The following BICDL2 variants were observed in gnomAD, a reference collection of about 807,000 sequenced individuals.
BICDL2 encodes BICD family-like cargo adapter 2.
Under a neutral mutation model 56.6 loss-of-function variants are expected in BICDL2, and 62 were observed. The observed-to-expected ratio is 1.10, with a 90% CI of 0.89 to 1.35. BICDL2 has a LOEUF of 1.35. Among genes scored for constraint, BICDL2 ranks in the 40% most tolerant of loss-of-function variants. The pLI is 0.00. For missense variants in BICDL2, 808 were observed against 684.5 expected (o/e 1.18, Z -2.01); for synonymous variants, 358 against 319.8 (o/e 1.12, Z -1.27).
intron 7 of BICDL2, 71 bp from the exon 8 acceptor site, chr16:3,028,901 A>T: frequency 6.8e-7 from 1 of 1,481,412 alleles, no homozygotes; most frequent in Non-Finnish European, 9.0e-7. Flanking sequence ...AGCAGCCCCG[A>T]CTCTGGCTCT....
At chr16:3,028,859 C>T in intron 7 of BICDL2, 29 bp from the exon 8 acceptor site, 1 of 1,526,182 alleles carries the variant, frequency 6.6e-7, no homozygotes, top group Admixed American at 2.0e-5. Context: ...GGCCGTGCGG[C>T]AGATGGGCCA....
intron 2 of BICDL2, 39 bp downstream of exon 2, chr16:3,035,176 T>TTGGCCGGGGGGGGGGG: frequency 2.9e-5 from 4 of 136,274 alleles, no homozygotes; most frequent in South Asian, 2.0e-4. Context: ...CGTCCTCCCC[T>TTGGCCGGGGGGGGGGG]GCCCACCCAC....
At position 3,034,658 on chromosome 16, in the gene BICDL2, C is replaced by CTCCTTCCTTCCTTCCTTCCTTCCTTCCT. The variant is rs113820545; in HGVS notation, c.282+529_282+556dup. On this transcript the variant is annotated intron_variant, in intron 2 of 9. Transcript: ENST00000572449. The stretch of plus-strand genomic sequence containing the variant: ...TTTCCTTTTTTTCTTTTCTTTCTCT[C>CTCCTTCCTTCCTTCCTTCCTTCCTTCCT]TCCTTCCTTCCTTCCTTCCTTCCTT... 2.0e-3 allele frequency among the ~76,000 whole-genome samples: 255 copies of CTCCTTCCTTCCTTCCTTCCTTCCTTCCT among 128,872 alleles called. 2 individuals carry two copies. The highest frequency in any genetic ancestry group is 7.5e-3 in the African/African-American group (242 of 32,216). The allele number at this position is 128,872 out of a possible 152,430, so 84.5% of individuals were successfully genotyped here.
At chr16:3,034,988 G>C (rs893994163) in intron 2 of BICDL2, 161 of 560,614 alleles carry the variant, frequency 2.9e-4, no homozygotes, top group Non-Finnish European at 4.3e-4. Context: ...GGGATTACAG[G>C]TGTGAGGTAC....
rs1281170306 is a variant in BICDL2, at chr16:3,030,741, C to T, written c.570G>A (p.Leu190=). 4 of 1,612,716 alleles carry T rather than the reference C, an allele frequency of 2.5e-6. No homozygotes were observed. Among genetic ancestry groups the T allele is most frequent in the Non-Finnish European group, 3.4e-6 (4 of 1,179,838 alleles). The change falls in exon 4 of 10, where the codon CTG becomes CTA. Residue 190 remains leucine, a synonymous_variant. Transcript: ENST00000572449. ...GCCGCGTCCTCAGCTCTGCTCCAGC[C>T]AGTGCCTGAGCCTGGCACTGTCCCC... ...ALRGQCQAQA[L]AGAELRTRLE...
In BICDL2 at chr16:3,029,726, CGT is replaced by C. The variant is rs1567420942; in HGVS notation, c.774_775del (p.Arg259ValfsTer110). On this transcript the variant is annotated frameshift_variant, in exon 6 of 10. Coordinates refer to ENST00000572449, the MANE Select transcript of BICDL2 (RefSeq NM_001369667.1). LOFTEE classifies it high-confidence loss of function. ...ACTCAGCGCCTCCCCAGCCTCTGACCGTGCGCGTTCCAGCTGTGGACGGTCCC... is the reference window on the plus strand; with the variant it reads ...ACTCAGCGCCTCCCCAGCCTCTGACCGCGCGTTCCAGCTGTGGACGGTCCC... 2.6e-6 allele frequency: 4 copies of C among 1,530,952 alleles called. No homozygotes were observed. The Admixed American group carries it at 8.2e-5, about 31-fold the overall frequency. The allele number at this position is 1,530,952 out of a possible 1,614,324, so 94.8% of individuals were successfully genotyped here. A position where few individuals can be genotyped will look rare whatever the true frequency, so the allele number is the denominator to read the frequency against.
chr16:3,029,506 G>A lies in BICDL2; in HGVS notation c.957+39C>T, dbSNP rs550592901. The A allele has an allele frequency of 5.7e-6, 9 of 1,566,400 alleles. No homozygotes were observed. In the African/African-American group the frequency reaches 9.4e-5, roughly 16 times the overall value. On this transcript the variant is annotated intron_variant, in intron 6 of 9. Transcript: ENST00000572449. ...GAAAGGCGGAGCCTGCAACCCTCTC[G>A]ATGGCACAGGTAAGGGGGCTGGGGC... is the stretch of plus-strand genomic sequence containing the variant.
chr16:3,035,136 C>G (rs951354059), intron 2 of BICDL2, 79 bp downstream of exon 2: 34 of 1,267,254 alleles, frequency 2.7e-5, no homozygotes, highest in Non-Finnish European at 2.7e-5. Context: ...CCTTGCCTGA[C>G]TCCCTTCCCT....
Position 3,028,771 on chromosome 16 carries a change from C to G in BICDL2, c.1167G>C (p.Glu389Asp). 6.4e-7 allele frequency: 1 copy of G among 1,558,770 alleles called. No homozygotes were observed. ...CCCCAGGGTCTTCCTGCGCCCGCAG[C>G]TCCTTCTGCCTCTGCAGCTCTTCCC... ...SLREELQRQK[E>D]LRAQEDPGEA... The change falls in exon 8 of 10, where the codon GAG becomes GAC. Residue 389 changes from glutamate (E) to aspartate (D), a missense_variant. Physicochemically the swap from Glu to Asp is conservative, Grantham distance 45. Transcript: ENST00000572449.
intron 1 of BICDL2, chr16:3,036,072 C>T (rs902975423): frequency 3.7e-5 from 13 of 348,916 alleles, no homozygotes; most frequent in African/African-American, 2.4e-4. Flanking sequence ...CCTGCTACCT[C>T]CTGAGCAGGT....
In BICDL2 at chr16:3,028,806, G is replaced by A. The variant is rs1320515508; in HGVS notation, c.1132C>T (p.Gln378Ter). 3.2e-6 allele frequency: 5 copies of A among 1,553,972 alleles called. No homozygotes were observed. The highest frequency in any genetic ancestry group is 3.9e-5 in the Admixed American group (2 of 51,844). Residue 378 changes from glutamine to a stop codon, truncating the protein, a stop_gained, in exon 8 of 10, where the codon CAG becomes TAG. Coordinates refer to ENST00000572449, the MANE Select transcript of BICDL2 (RefSeq NM_001369667.1). LOFTEE classifies it high-confidence loss of function. ...CTCTGCAGCTCTTCCCGCAGGGACT[G>A]CAGCTCTGCCTGCTGCAGCGAGATC... ...DEISLQQAEL[Q>*]SLREELQRQK...
Position 3,028,785 on chromosome 16 carries a change from G to A in BICDL2, c.1153C>T (p.Gln385Ter). 6.4e-7 allele frequency: 1 copy of A among 1,557,652 alleles called. No homozygotes were observed. ...AELQSLREEL[Q>*]RQKELRAQED... ...TGCGCCCGCAGCTCCTTCTGCCTCT[G>A]CAGCTCTTCCCGCAGGGACTGCAGC... is the stretch of plus-strand genomic sequence containing the variant. The change falls in exon 8 of 10, where the codon CAG (glutamine) becomes TAG (stop). Residue 385 changes from glutamine to a stop codon, truncating the protein, a stop_gained. Transcript: ENST00000572449. LOFTEE classifies it high-confidence loss of function.
chr16:3,028,280 GA>G lies in BICDL2; in HGVS notation c.1360-8del. Reference sequence around the variant, plus strand: ...TCACCACCTGCATGTCGTCCTGCGGGAGGCCGTGGTCGGCTCAGCGCCGGTC... The same window carrying G: ...TCACCACCTGCATGTCGTCCTGCGGGGGCCGTGGTCGGCTCAGCGCCGGTC... On this transcript the variant is annotated splice_polypyrimidine_tract_variant and splice_region_variant and intron_variant, in intron 9 of 9. Transcript: ENST00000572449. 6.7e-7 allele frequency: 1 copy of G among 1,492,872 alleles called. No individual in the cohort carries two copies. The highest frequency in any genetic ancestry group is 2.5e-5 in the East Asian group (1 of 39,892). 92.5% of individuals were successfully genotyped at this position (1,492,872 alleles called of 1,614,324 possible).
At chr16:3,030,647 G>T (rs1463238605) in intron 4 of BICDL2, 49 bp downstream of exon 4, 2 of 1,593,772 alleles carry the variant, frequency 1.3e-6, no homozygotes, top group Non-Finnish European at 8.5e-7. Flanking sequence ...CCAGCCCTCA[G>T]CCCGGCTTTT....
At chr16:3,035,799 G>A in intron 1 of BICDL2, 1 of 446,436 alleles carries the variant, frequency 2.2e-6, no homozygotes, top group Non-Finnish European at 4.1e-6. Flanking sequence ...GTGCTCCAGG[G>A]CCACAGGCCA....
At chr16:3,028,575 G>C in intron 8 of BICDL2, 107 bp from the exon 9 acceptor site, 2 of 1,527,548 alleles carry the variant, frequency 1.3e-6, no homozygotes, top group Non-Finnish European at 1.7e-6. Flanking sequence ...CAAACACCTA[G>C]ATCAAGGAGG....
chr16:3,028,414 CAG>C lies in BICDL2; in HGVS notation c.1291_1292del (p.Leu431ValfsTer72), dbSNP rs1491558830. ...GGATGGCGCGCAGCAGCTCCCGAGA[CAG>C]GGAGTCTCGCTCCAGCGAGACGCGG... ...LNRVSLERDSLSRELLRAIRQ... is the reference protein window; with the variant it reads ...LNRVSLERDSXSRELLRAIRQ... On this transcript the variant is annotated frameshift_variant, in exon 9 of 10. Transcript: ENST00000572449. LOFTEE classifies it high-confidence loss of function. 7.7e-6 allele frequency: 12 copies of C among 1,557,876 alleles called. No individual in the cohort carries two copies. Among genetic ancestry groups the C allele is most frequent in the East Asian group, 7.0e-5 (3 of 42,654 alleles).
chr16:3,030,097 C>T (rs779106660), intron 5 of BICDL2: 11 of 456,386 alleles, frequency 2.4e-5, no homozygotes, highest in Admixed American at 4.0e-5. Context: ...CAAGCTGACC[C>T]CAAAGTGCAG....
chr16:3,029,490 A>G (rs1174324806), intron 6 of BICDL2, 55 bp downstream of exon 6: 2 of 1,577,524 alleles, frequency 1.3e-6, no homozygotes, highest in Non-Finnish European at 1.7e-6. Context: ...GGAAAGGCGG[A>G]GCCTGCAACC....
Sources: gnomAD v4.1 joint callset for allele counts (sites outside exome capture counted in the v4.1 genomes callset) on GRCh38, gnomAD v4.1.1 for gene constraint, MANE v1.5 for transcripts, NCBI Gene and HGNC (gene_info 2026-07-23, HGNC 2026-07-21) for gene names.